Variants in DOK5 observed in about 807,000 individuals in gnomAD.
DOK5 encodes the protein downstream of tyrosine kinase 5.
DOK5 carries 27 observed loss-of-function variants against 43.3 expected under a neutral mutation model. The observed-to-expected ratio is 0.62, with a 90% CI of 0.46 to 0.86. The LOEUF (loss-of-function observed/expected upper bound fraction) is 0.86. Ranked by LOEUF, DOK5 falls within the 40% of genes least tolerant of loss-of-function variation. The pLI is 0.00. For missense variants in DOK5, 373 were observed against 392.9 expected (o/e 0.95, Z 0.43); for synonymous variants, 146 against 140.1 (o/e 1.04, Z -0.30).
chr20:54,617,913 A>G (rs1161118942), intron 6 of DOK5, among the ~76,000 whole-genome samples: 1 of 152,218 alleles, frequency 6.6e-6, no homozygotes, highest in Non-Finnish European at 1.5e-5. Context: ...CCTACAATAT[A>G]GCAGATACTT....
chr20:54,530,583 A>G (rs148164070), intron 1 of DOK5, among the ~76,000 whole-genome samples: 3 of 152,170 alleles, frequency 2.0e-5, no homozygotes, highest in Admixed American at 6.5e-5. Context: ...TGCCAGTCTA[A>G]CCTGGTTTAT....
Position 54,476,030 on chromosome 20 carries a change from C to G in DOK5, c.66+18C>G. The G allele has an allele frequency of 6.2e-7, 1 of 1,612,686 alleles. No individual in the cohort carries two copies. The highest frequency in any genetic ancestry group is 1.3e-5 in the African/African-American group (1 of 75,030). On this transcript the variant is annotated intron_variant, in intron 1 of 7. Transcript: ENST00000262593. ...GCCTCGGGGTGAGTATCGATCCTCT[C>G]CGTGTTGCTGTTCGCCGGTTCGATT...
chr20:54,552,399 A>G (rs1438575417), intron 1 of DOK5, among the ~76,000 whole-genome samples: 1 of 152,034 alleles, frequency 6.6e-6, no homozygotes, highest in African/African-American at 2.4e-5. Flanking sequence ...GACAGATAAT[A>G]TATGTATTAT....
At chr20:54,543,542 T>TGTGA (rs1491112561) in intron 1 of DOK5, among the ~76,000 whole-genome samples, 1 of 74,808 alleles carries the variant, frequency 1.3e-5, no homozygotes, top group African/African-American at 1.2e-4. Context: ...CTAGAATTGC[T>TGTGA]GTGTGTGTGT....
At chr20:54,552,925 C>A (rs1049657081) in intron 1 of DOK5, among the ~76,000 whole-genome samples, 3 of 152,176 alleles carry the variant, frequency 2.0e-5, no homozygotes, top group Non-Finnish European at 2.9e-5. Flanking sequence ...CTGCCAGGTA[C>A]TGATAGAATT....
chr20:54,479,199 G>A (rs1358418137), intron 1 of DOK5, among the ~76,000 whole-genome samples: 1 of 152,144 alleles, frequency 6.6e-6, no homozygotes, highest in Non-Finnish European at 1.5e-5. Context: ...AATCAAATAT[G>A]TATAGATTTA....
At chr20:54,585,996 C>T (rs1330315299) in intron 2 of DOK5, among the ~76,000 whole-genome samples, 3 of 152,166 alleles carry the variant, frequency 2.0e-5, no homozygotes, top group East Asian at 1.9e-4. Flanking sequence ...TGGTGGTGGG[C>T]GCCTGTAATT....
At chr20:54,648,586 C>A (rs1012800804) in intron 7 of DOK5, among the ~76,000 whole-genome samples, 2 of 152,006 alleles carry the variant, frequency 1.3e-5, no homozygotes, top group Admixed American at 1.3e-4. Flanking sequence ...GGCCCTGAGT[C>A]AGAAATGAGC....
At chr20:54,550,741 T>TA (rs58092692) in intron 1 of DOK5, among the ~76,000 whole-genome samples, 35,907 of 152,086 alleles carry the variant, frequency 0.24, 6,633 homozygotes, top group African/African-American at 0.52. Context: ...TTTTTATTGC[T>TA]AGTAGTATTC....
chr20:54,597,166 G>T (rs1460858716), intron 5 of DOK5, among the ~76,000 whole-genome samples: 2 of 152,132 alleles, frequency 1.3e-5, no homozygotes, highest in Admixed American at 6.6e-5. Context: ...AACAAATAAG[G>T]TCAAGAGGCT....
At position 54,536,229 on chromosome 20, in the gene DOK5, T is replaced by C. The variant is rs914918533; in HGVS notation, c.67-18704T>C. ...TAGGGGGTGCTTTAGATTTGGGAGA[T>C]GGGAATGTGTCTCTGAGATGGTGAC... On this transcript the variant is annotated intron_variant, in intron 1 of 7. Coordinates refer to ENST00000262593, the MANE Select transcript of DOK5 (RefSeq NM_018431.5). 8.5e-5 allele frequency among the ~76,000 whole-genome samples: 13 copies of C among 152,144 alleles called. 1 individual carries two copies. Among genetic ancestry groups the C allele is most frequent in the Admixed American group, 7.2e-4 (11 of 15,268 alleles).
At chr20:54,537,505 A>G (rs1387685226) in intron 1 of DOK5, among the ~76,000 whole-genome samples, 2 of 152,214 alleles carry the variant, frequency 1.3e-5, no homozygotes, top group Non-Finnish European at 2.9e-5. Flanking sequence ...GAGAAATGAG[A>G]TAGAAAGAAG....
At chr20:54,498,570 T>A (rs1982482028) in intron 1 of DOK5, among the ~76,000 whole-genome samples, 1 of 152,194 alleles carries the variant, frequency 6.6e-6, no homozygotes, top group Non-Finnish European at 1.5e-5. Flanking sequence ...TCAAGCTGAT[T>A]TGGAAATAAA....
intron 1 of DOK5, among the ~76,000 whole-genome samples, chr20:54,539,308 A>T (rs911020986): frequency 6.8e-6 from 1 of 146,072 alleles, no homozygotes. Flanking sequence ...AAAAAAAAAA[A>T]AGTGGAGAAC....
At chr20:54,503,550 T>G (rs894678881) in intron 1 of DOK5, among the ~76,000 whole-genome samples, 4 of 152,238 alleles carry the variant, frequency 2.6e-5, no homozygotes, top group Non-Finnish European at 4.4e-5. Flanking sequence ...GTGAATAGTT[T>G]TCACTGTTAT....
intron 1 of DOK5, among the ~76,000 whole-genome samples, chr20:54,542,230 C>T (rs778939913): frequency 2.6e-5 from 4 of 151,960 alleles, no homozygotes; most frequent in African/African-American, 7.3e-5. Flanking sequence ...AGCCCCTGTA[C>T]CTAAATAATG....
intron 5 of DOK5, among the ~76,000 whole-genome samples, chr20:54,595,767 A>C (rs1280516942): frequency 6.6e-6 from 1 of 152,190 alleles, no homozygotes; most frequent in Non-Finnish European, 1.5e-5. Context: ...AAAGTGTGGG[A>C]GTTGTATGCT....
chr20:54,591,541 T>C, intron 4 of DOK5, 75 bp from the exon 5 acceptor site: 1 of 1,144,348 alleles, frequency 8.7e-7, no homozygotes, highest in Non-Finnish European at 1.2e-6. Flanking sequence ...TGTTTTTAAA[T>C]GCCTCTATGT....
chr20:54,541,679 C>T (rs1399196582), intron 1 of DOK5, among the ~76,000 whole-genome samples: 2 of 152,080 alleles, frequency 1.3e-5, no homozygotes. Flanking sequence ...TCAAGTGATC[C>T]ACCTGCCTGG....
Sources: allele counts gnomAD v4.1 joint callset (sites outside exome capture counted in the v4.1 genomes callset), GRCh38; gene constraint gnomAD v4.1.1; transcripts MANE v1.5; gene names NCBI Gene and HGNC (gene_info 2026-07-23, HGNC 2026-07-21).